The following THSD4 variants were observed in gnomAD, a reference collection of about 807,000 sequenced individuals.
THSD4 encodes thrombospondin type-1 domain-containing protein 4.
Under a neutral mutation model 119.0 loss-of-function variants are expected in THSD4, and 69 were observed. That is an observed-to-expected ratio of 0.58 (90% CI 0.48 to 0.71). The LOEUF is 0.71. Ranked by LOEUF, THSD4 falls within the 30% of genes least tolerant of loss-of-function variation. The pLI is 0.00. For synonymous variants in THSD4, 524 were observed against 540.4 expected, an observed-to-expected ratio of 0.97 and a Z score of 0.42; for missense variants, 1,393 against 1,391.1, an observed-to-expected ratio of 1.00 and a Z score of -0.02.
At chr15:71,358,874 T>C (rs1393436281) in intron 6 of THSD4, among the ~76,000 whole-genome samples, 3 of 152,120 alleles carry the variant, frequency 2.0e-5, no homozygotes, top group Non-Finnish European at 4.4e-5. Context: ...AAGAGAGGAA[T>C]GTGAAGACAC....
intron 14 of THSD4, among the ~76,000 whole-genome samples, chr15:71,757,081 T>C (rs1156620722): frequency 6.6e-6 from 1 of 152,104 alleles, no homozygotes; most frequent in South Asian, 2.1e-4. Context: ...CATTATACAG[T>C]CTCCATAGCC....
intron 7 of THSD4, among the ~76,000 whole-genome samples, chr15:71,471,378 G>C (rs899480835): frequency 3.3e-5 from 5 of 152,024 alleles, no homozygotes; most frequent in African/African-American, 9.7e-5. Context: ...TGACTCTCTG[G>C]GGTGGTAAAT....
intron 8 of THSD4, among the ~76,000 whole-genome samples, chr15:71,726,812 C>T (rs566820722): frequency 6.6e-6 from 1 of 152,202 alleles, no homozygotes; most frequent in East Asian, 1.9e-4. Context: ...TGGTGAATGC[C>T]TGTAATCTTA....
At chr15:71,182,075 T>C (rs1289556661) in intron 3 of THSD4, among the ~76,000 whole-genome samples, 1 of 152,032 alleles carries the variant, frequency 6.6e-6, no homozygotes, top group Non-Finnish European at 1.5e-5. Context: ...GCAAAAATGA[T>C]ATACATTGAC....
At chr15:71,148,304 A>G (rs1435358104) in intron 2 of THSD4, among the ~76,000 whole-genome samples, 2 of 152,174 alleles carry the variant, frequency 1.3e-5, no homozygotes, top group African/African-American at 4.8e-5. Context: ...ACAACACCTG[A>G]TAGCAGGAAG....
rs533675911 is a variant in THSD4, at chr15:71,291,353, ATAGT to A, written c.1015+34642_1015+34645del. ...GGTTCATTATAAGGAACAGGCTCAC[ATAGT>A]TAGGGAGGCTGAGAAGTCCCAAGAT... is the stretch of plus-strand genomic sequence containing the variant. On this transcript the variant is annotated intron_variant, in intron 6 of 17. Coordinates refer to ENST00000261862, the MANE Select transcript of THSD4 (RefSeq NM_024817.3). Among the ~76,000 whole-genome samples, 402 of 152,330 alleles carry A rather than the reference ATAGT, an allele frequency of 2.6e-3. 3 individuals carry two copies. The highest frequency in any genetic ancestry group is 9.1e-3 in the African/African-American group (380 of 41,576).
intron 7 of THSD4, among the ~76,000 whole-genome samples, chr15:71,509,609 G>T (rs1479636447): frequency 2.0e-5 from 3 of 152,226 alleles, no homozygotes; most frequent in African/African-American, 7.2e-5. Context: ...GGCAGAGCTA[G>T]AAATCAAACC....
At chr15:71,158,334 G>A (rs925514614) in intron 3 of THSD4, among the ~76,000 whole-genome samples, 2 of 151,776 alleles carry the variant, frequency 1.3e-5, no homozygotes, top group Middle Eastern at 3.2e-3. Flanking sequence ...TGTATTTTTA[G>A]TAGAGACGGG....
intron 7 of THSD4, among the ~76,000 whole-genome samples, chr15:71,475,885 C>T (rs911204777): frequency 1.2e-4 from 18 of 152,050 alleles, no homozygotes; most frequent in African/African-American, 4.3e-4. Context: ...TAGGATCATG[C>T]CACTGCAACT....
intron 6 of THSD4, among the ~76,000 whole-genome samples, chr15:71,331,287 C>G (rs1253262883): frequency 6.6e-6 from 1 of 152,094 alleles, no homozygotes; most frequent in East Asian, 1.9e-4. Context: ...TGGGATAGGC[C>G]AAGAAAATTT....
At chr15:71,415,085 GCAGA>G in intron 7 of THSD4, among the ~76,000 whole-genome samples, 1 of 152,352 alleles carries the variant, frequency 6.6e-6, no homozygotes, top group East Asian at 1.9e-4. Context: ...GCTGTCACTT[GCAGA>G]CAGTTTTCCC....
At position 71,306,163 on chromosome 15, in the gene THSD4, G is replaced by A. The variant is rs187632731; in HGVS notation, c.1015+49448G>A. On this transcript the variant is annotated intron_variant, in intron 6 of 17. Coordinates refer to ENST00000261862, the MANE Select transcript of THSD4 (RefSeq NM_024817.3). Reference sequence around the variant, plus strand: ...TCTACTAAAAATGCAAAAATCAGCCGGGCGTGGTGGTGGGCACCTGTAATC... The same window carrying A: ...TCTACTAAAAATGCAAAAATCAGCCAGGCGTGGTGGTGGGCACCTGTAATC... Among the ~76,000 whole-genome samples the A allele has an allele frequency of 3.0e-4, 46 of 151,914 alleles. No homozygotes were observed. In the East Asian group the frequency reaches 6.8e-3, roughly 22 times the overall value.
chr15:71,494,019 C>T (rs893588596), intron 7 of THSD4, among the ~76,000 whole-genome samples: 17 of 152,162 alleles, frequency 1.1e-4, no homozygotes, highest in African/African-American at 3.6e-4. Flanking sequence ...TTTACAGCGT[C>T]GCTTTCAGGT....
intron 7 of THSD4, among the ~76,000 whole-genome samples, chr15:71,538,548 A>G (rs2048716471): frequency 6.6e-6 from 1 of 152,236 alleles, no homozygotes; most frequent in South Asian, 2.1e-4. Flanking sequence ...TACTTTGTGC[A>G]ATTTGAATTA....
chr15:71,659,181 A>G (rs1452474960), intron 7 of THSD4, among the ~76,000 whole-genome samples: 1 of 152,260 alleles, frequency 6.6e-6, no homozygotes, highest in African/African-American at 2.4e-5. Context: ...TCTGATTTCA[A>G]GTATCTTTCC....
intron 3 of THSD4, among the ~76,000 whole-genome samples, chr15:71,198,812 T>C (rs2043742733): frequency 6.6e-6 from 1 of 152,194 alleles, no homozygotes; most frequent in Non-Finnish European, 1.5e-5. Flanking sequence ...CCCTATGTCT[T>C]TGAATAAAAC....
chr15:71,600,232 G>T (rs1259612886), intron 7 of THSD4, among the ~76,000 whole-genome samples: 2 of 152,004 alleles, frequency 1.3e-5, no homozygotes, highest in African/African-American at 2.4e-5. Context: ...TCTCCTCCTG[G>T]AGTACCTGCC....
At chr15:71,123,092 A>G (rs2040421448) in intron 1 of THSD4, among the ~76,000 whole-genome samples, 1 of 152,170 alleles carries the variant, frequency 6.6e-6, no homozygotes, top group African/African-American at 2.4e-5. Context: ...CACTCTTAGC[A>G]AGGGGTGTGA....
chr15:71,632,495 T>C (rs563605697), intron 7 of THSD4, among the ~76,000 whole-genome samples: 23 of 152,374 alleles, frequency 1.5e-4, no homozygotes, highest in Admixed American at 1.0e-3. Flanking sequence ...TTGGCCACTC[T>C]GTGGTCCTCC....
Sources: allele counts gnomAD v4.1 joint callset (sites outside exome capture counted in the v4.1 genomes callset), GRCh38; gene constraint gnomAD v4.1.1; transcripts MANE v1.5; gene names NCBI Gene and HGNC (gene_info 2026-07-23, HGNC 2026-07-21).